SLC2A9: variants seen among roughly 807,000 people sequenced by gnomAD.
SLC2A9 encodes solute carrier family 2 member 9.
A neutral mutation model predicts 50.6 loss-of-function variants in SLC2A9; 39 were observed. That is an observed-to-expected ratio of 0.77 (90% CI 0.60 to 1.01). SLC2A9 has a LOEUF of 1.01. Among genes scored for constraint, SLC2A9 ranks in the 50% least tolerant of loss-of-function variants. The pLI is 0.00. For missense variants in SLC2A9, 686 were observed against 677.6 expected, an observed-to-expected ratio of 1.01 and a Z score of -0.14; for synonymous variants, 324 against 276.9, an observed-to-expected ratio of 1.17 and a Z score of -1.69.
intron 10 of SLC2A9, among the ~76,000 whole-genome samples, chr4:9,872,685 C>T (rs1006593322): frequency 2.0e-4 from 31 of 152,204 alleles, no homozygotes; most frequent in African/African-American, 7.0e-4. Flanking sequence ...TGTTTACTAA[C>T]CTCCAGCTAT....
At chr4:9,934,698 G>C (rs1007379823) in intron 6 of SLC2A9, among the ~76,000 whole-genome samples, 3 of 152,150 alleles carry the variant, frequency 2.0e-5, no homozygotes, top group African/African-American at 7.2e-5. Context: ...GAATGTACAG[G>C]TTTGTTACAT....
At chr4:10,017,511 G>C (rs3796830) in intron 2 of SLC2A9, among the ~76,000 whole-genome samples, 49,105 of 152,196 alleles carry the variant, frequency 0.32, 9,218 homozygotes, top group African/African-American at 0.52. Context: ...CAACAGAAAT[G>C]AACAATGTCA....
intron 2 of SLC2A9, among the ~76,000 whole-genome samples, chr4:10,008,307 C>T (rs916812496): frequency 2.6e-5 from 4 of 152,180 alleles, no homozygotes; most frequent in East Asian, 1.9e-4. Flanking sequence ...GGAGTTGGCA[C>T]TCACAGCCTG....
upstream of SLC2A9, among the ~76,000 whole-genome samples, chr4:10,022,484 A>G: frequency 6.6e-6 from 1 of 152,226 alleles, no homozygotes; most frequent in Non-Finnish European, 1.5e-5. Context: ...CCTCATGCAC[A>G]CCAGGAGGTT....
chr4:9,808,862 T>C (rs1424430158), intron 3 of SLC2A9, among the ~76,000 whole-genome samples: 2 of 152,156 alleles, frequency 1.3e-5, no homozygotes, highest in East Asian at 3.9e-4. Flanking sequence ...AGGGGCACCA[T>C]TCACACAAAA....
At chr4:9,771,836 A>AAGAAGTGGGAAG (rs1344984413) in intron 1 of SLC2A9, among the ~76,000 whole-genome samples, 2 of 152,136 alleles carry the variant, frequency 1.3e-5, no homozygotes, top group Non-Finnish European at 2.9e-5. Flanking sequence ...CCCCTTCAAG[A>AAGAAGTGGGAAG]AGAAGTGGGA....
At chr4:9,930,035 T>G (rs941228679) in intron 6 of SLC2A9, among the ~76,000 whole-genome samples, 5 of 152,122 alleles carry the variant, frequency 3.3e-5, no homozygotes, top group African/African-American at 1.2e-4. Flanking sequence ...TTAGGGGTGG[T>G]GAGGAGCACA....
intron 8 of SLC2A9, among the ~76,000 whole-genome samples, chr4:9,893,745 G>A (rs75521345): frequency 0.026 from 3,946 of 152,228 alleles, 182 homozygotes; most frequent in African/African-American, 0.09. Context: ...AGTGCCAGGA[G>A]GGACCCCCGC....
intron 3 of SLC2A9, chr4:9,783,082 C>G (rs1335321633): frequency 6.2e-7 from 1 of 1,614,100 alleles, no homozygotes; most frequent in Non-Finnish European, 8.5e-7. Context: ...GCTGGGCTAA[C>G]TCCTCACTCA....
At chr4:9,848,951 C>T (rs1729440128) in intron 10 of SLC2A9, among the ~76,000 whole-genome samples, 1 of 152,208 alleles carries the variant, frequency 6.6e-6, no homozygotes, top group Admixed American at 6.5e-5. Flanking sequence ...ATCCGCCTGC[C>T]TCGGCCTCCC....
chr4:10,024,752 C>T (rs886611202), upstream of SLC2A9, among the ~76,000 whole-genome samples: 3 of 152,286 alleles, frequency 2.0e-5, no homozygotes, highest in Non-Finnish European at 4.4e-5. Context: ...AACTGTCCTC[C>T]GGATGATTTC....
intron 7 of SLC2A9, among the ~76,000 whole-genome samples, chr4:9,908,810 C>T (rs1049786978): frequency 4.6e-5 from 7 of 152,074 alleles, no homozygotes; most frequent in Non-Finnish European, 7.4e-5. Context: ...AGTGTGGCAG[C>T]GAGATAGAAA....
At chr4:9,993,540 C>T (rs539205758) in intron 3 of SLC2A9, among the ~76,000 whole-genome samples, 2 of 152,214 alleles carry the variant, frequency 1.3e-5, no homozygotes, top group Non-Finnish European at 2.9e-5. Context: ...TTCATGTCAT[C>T]GTGAACTAAG....
At chr4:9,781,562 G>C (rs1337433788) in intron 3 of SLC2A9, 2 of 155,562 alleles carry the variant, frequency 1.3e-5, no homozygotes, top group African/African-American at 4.8e-5. Context: ...CAGGTGGGGC[G>C]GGAGTCGAGC....
chr4:9,846,795 C>A (rs753699975), intron 10 of SLC2A9, among the ~76,000 whole-genome samples: 1 of 152,212 alleles, frequency 6.6e-6, no homozygotes, highest in Non-Finnish European at 1.5e-5. Context: ...CACACCCAAA[C>A]TTTTCCTTAA....
At chr4:9,823,035 A>G (rs1207438175), downstream of SLC2A9, among the ~76,000 whole-genome samples, 1 of 152,176 alleles carries the variant, frequency 6.6e-6, no homozygotes, top group Non-Finnish European at 1.5e-5. Flanking sequence ...TATTTTTCAG[A>G]GTCCTTACAT....
At chr4:9,793,596 T>C (rs1720234479) in intron 3 of SLC2A9, among the ~76,000 whole-genome samples, 1 of 152,220 alleles carries the variant, frequency 6.6e-6, no homozygotes, top group Admixed American at 6.5e-5. Flanking sequence ...TGATTTTCTA[T>C]TGAAAGAAGT....
At chr4:9,885,255 C>T (rs1389692620) in intron 10 of SLC2A9, among the ~76,000 whole-genome samples, 1 of 152,274 alleles carries the variant, frequency 6.6e-6, no homozygotes, top group East Asian at 1.9e-4. Flanking sequence ...GCTCTCCTCT[C>T]CCTCCAGCTT....
At chr4:9,874,186 T>C (rs1733913309) in intron 10 of SLC2A9, among the ~76,000 whole-genome samples, 1 of 152,192 alleles carries the variant, frequency 6.6e-6, no homozygotes, top group Non-Finnish European at 1.5e-5. Flanking sequence ...CAGACATTCC[T>C]CCTTTTCCCT....
Sources: allele counts gnomAD v4.1 joint callset (sites outside exome capture counted in the v4.1 genomes callset), GRCh38; gene constraint gnomAD v4.1.1; transcripts MANE v1.5; gene names NCBI Gene and HGNC (gene_info 2026-07-23, HGNC 2026-07-21).